Variants in ZIC4 observed in about 807,000 individuals in gnomAD.
ZIC4 encodes Zic family zinc finger 4, also known as zinc finger protein ZIC 4.
Under a neutral mutation model 28.8 loss-of-function variants are expected in ZIC4, and 15 were observed. The ratio of observed to expected loss-of-function variants is 0.52; its 90% CI spans 0.35 to 0.80. The LOEUF is 0.80. ZIC4 is among the 30% of genes least tolerant of loss of function. The probability of loss-of-function intolerance (pLI) is 0.01; values close to 1 mark genes in which losing one functional copy is unlikely to be tolerated. For missense variants in ZIC4, 512 were observed against 467.1 expected (o/e 1.10, Z -0.89); for synonymous variants, 220 against 198.1 (o/e 1.11, Z -0.93).
At chr3:147,392,406 C>A in intron 3 of ZIC4, 2 of 985,474 alleles carry the variant, frequency 2.0e-6, no homozygotes, top group African/African-American at 3.5e-5. Flanking sequence ...GGACCGAGCC[C>A]CAATCGGGGA....
chr3:147,394,356 C>G (rs894546240), intron 3 of ZIC4, among the ~76,000 whole-genome samples: 1 of 150,220 alleles, frequency 6.7e-6, no homozygotes, highest in Non-Finnish European at 1.5e-5. Context: ...CCAGCCGTGG[C>G]GCACTGAACT....
chr3:147,390,713 A>G (rs911677817), intron 4 of ZIC4, among the ~76,000 whole-genome samples: 2 of 152,172 alleles, frequency 1.3e-5, no homozygotes, highest in Non-Finnish European at 2.9e-5. Context: ...TCCAGCAACT[A>G]TTACAGGTGG....
chr3:147,387,340 G>A lies in ZIC4; in HGVS notation c.*1519C>T, dbSNP rs1411901172. 6.6e-6 allele frequency: 1 copy of A among 152,638 alleles called. No homozygotes were observed. Among genetic ancestry groups the A allele is most frequent in the African/African-American group, 2.4e-5 (1 of 41,448 alleles). The allele number at this position is 152,638 out of a possible 1,614,324, so 9.5% of individuals were successfully genotyped here. On this transcript the variant is annotated 3_prime_UTR_variant, in exon 5 of 5. Coordinates refer to ENST00000383075, the MANE Select transcript of ZIC4 (RefSeq NM_032153.6). ...TTAGAAACGGTTTGAAACTAACGGG[G>A]CAGAGGGAGTTTGACAGAGAGGAGA...
At chr3:147,389,061 G>T (rs1478188123) in intron 4 of ZIC4, 10 of 601,016 alleles carry the variant, frequency 1.7e-5, no homozygotes, top group Non-Finnish European at 2.4e-5. Flanking sequence ...GCACCTTAGT[G>T]GTGGGGTTGG....
Position 147,396,448 on chromosome 3 carries a change from C to T in ZIC4, c.92G>A (p.Gly31Asp), listed in dbSNP as rs1411380137. 1 of 1,518,776 alleles carries T rather than the reference C, an allele frequency of 6.6e-7. No individual in the cohort carries two copies. The allele number at this position is 1,518,776 out of a possible 1,614,324, so 94.1% of individuals were successfully genotyped here. A position where few individuals can be genotyped will look rare whatever the true frequency, so the allele number is the denominator to read the frequency against. Residue 31 changes from glycine (G) to aspartate (D), a missense_variant, in exon 3 of 5, where the codon GGC becomes GAC. Around this residue, in one of 3 missense-constraint regions of ZIC4, gnomAD observed 310 missense variants for 256.5 expected, o/e 1.21. Coordinates refer to ENST00000383075, the MANE Select transcript of ZIC4 (RefSeq NM_032153.6). The surrounding 1 kb of genome is among the most constrained non-coding windows in gnomAD (Gnocchi z 4.2). Reference sequence around the variant, plus strand: ...GCTGGAGGCGGCGGTGAGCTGGGGGCCATGGTGTCCAGAGCTGCTACCTGT... The same window carrying T: ...GCTGGAGGCGGCGGTGAGCTGGGGGTCATGGTGTCCAGAGCTGCTACCTGT... ...KESSSSSGHH[G>D]PQLTAASSPS...
Position 147,402,858 on chromosome 3 carries a change from C to T in ZIC4, c.-15-46G>A, listed in dbSNP as rs568626568. On this transcript the variant is annotated intron_variant, in intron 1 of 4. Transcript: ENST00000383075. The stretch of plus-strand genomic sequence containing the variant: ...GACAGTCACTAGTTAAACAATTTTA[C>T]ACGTCTGTGTGGCAACATCCTGTGG... 69 of 1,530,048 alleles carry T rather than the reference C, an allele frequency of 4.5e-5. No homozygotes were observed. The East Asian group carries it at 7.9e-4, about 17-fold the overall frequency. 94.8% of individuals were successfully genotyped at this position (1,530,048 alleles called of 1,614,324 possible).
In ZIC4 at chr3:147,396,082, T is replaced by C; in HGVS notation, c.458A>G (p.Glu153Gly). 6.2e-7 allele frequency: 1 copy of C among 1,614,222 alleles called. No individual in the cohort carries two copies. The highest frequency in any genetic ancestry group is 8.5e-7 in the Non-Finnish European group (1 of 1,180,054). The change falls in exon 3 of 5, where the codon GAG becomes GGG. Residue 153 changes from glutamate to glycine, a missense_variant. This residue lies in a region of ZIC4 where 310 missense variants were observed against 256.5 expected (regional missense o/e 1.21). Coordinates refer to ENST00000383075, the MANE Select transcript of ZIC4 (RefSeq NM_032153.6). This position sits in a 1 kb window ranked among gnomAD's most constrained non-coding sequence, Gnocchi z 4.2. Reference sequence around the variant, plus strand: ...CTCCACGGTGACGTGCGTGACCAGCTCGTGCATGGTGCTGAAAGTTTTGGA... The same window carrying C: ...CTCCACGGTGACGTGCGTGACCAGCCCGTGCATGGTGCTGAAAGTTTTGGA... Reference protein sequence around the residue: ...LCSKTFSTMHELVTHVTVEHV... With the variant: ...LCSKTFSTMHGLVTHVTVEHV...
In ZIC4 at chr3:147,396,281, C is replaced by T; in HGVS notation, c.259G>A (p.Asp87Asn). The stretch of plus-strand genomic sequence containing the variant: ...AGGGCTGCGGCAGCTGCCAGGGCGT[C>T]GCTGCGGGCCGCAGGCCCTGGCGGG... The part of the protein sequence containing the change: ...PFPPGPAARS[D>N]ALAAAAALHG... The change falls in exon 3 of 5, where the codon GAC becomes AAC. Residue 87 changes from aspartate to asparagine, a missense_variant. Asp to Asn is a conservative substitution (Grantham distance 23). Transcript: ENST00000383075. This position sits in a 1 kb window ranked among gnomAD's most constrained non-coding sequence, Gnocchi z 4.2. 6.2e-7 allele frequency: 1 copy of T among 1,608,994 alleles called. No individual in the cohort carries two copies. Among genetic ancestry groups the T allele is most frequent in the Middle Eastern group, 1.7e-4 (1 of 6,040 alleles).
At chr3:147,403,370 T>C (rs572591807) in intron 1 of ZIC4, among the ~76,000 whole-genome samples, 1 of 152,292 alleles carries the variant, frequency 6.6e-6, no homozygotes, top group African/African-American at 2.4e-5. Flanking sequence ...CCAGACCCAT[T>C]TGGGATTCAT....
chr3:147,393,175 C>T (rs1285575357), intron 3 of ZIC4, among the ~76,000 whole-genome samples: 2 of 150,552 alleles, frequency 1.3e-5, no homozygotes, highest in East Asian at 4.0e-4. Context: ...CTTATCCGAT[C>T]TCGTGAGCGC....
chr3:147,402,694 G>A (rs1216393736), intron 2 of ZIC4, 34 bp downstream of exon 2: 10 of 1,528,240 alleles, frequency 6.5e-6, no homozygotes, highest in South Asian at 2.6e-5. Flanking sequence ...AAAGAAACCA[G>A]CAAACCAATA....
At chr3:147,404,483 C>T (rs779579338) in intron 1 of ZIC4, among the ~76,000 whole-genome samples, 2 of 152,206 alleles carry the variant, frequency 1.3e-5, no homozygotes, top group Non-Finnish European at 2.9e-5. Context: ...AGCCAGTCAT[C>T]TTGCTGAAAG....
At chr3:147,402,013 G>C (rs750587728) in intron 2 of ZIC4, among the ~76,000 whole-genome samples, 1 of 152,170 alleles carries the variant, frequency 6.6e-6, no homozygotes, top group Non-Finnish European at 1.5e-5. Flanking sequence ...TTTGACTTTG[G>C]TTAGGAAGGT....
chr3:147,389,000 G>A lies in ZIC4; in HGVS notation c.*-141C>T, dbSNP rs1004147791. 1.5e-5 allele frequency: 10 copies of A among 648,694 alleles called. No individual in the cohort carries two copies. In the African/African-American group the frequency reaches 1.8e-4, roughly 12 times the overall value. 40.2% of individuals were successfully genotyped at this position (648,694 alleles called of 1,614,324 possible). A position where few individuals can be genotyped will look rare whatever the true frequency, so the allele number is the denominator to read the frequency against. On this transcript the variant is annotated intron_variant, in intron 4 of 4. Transcript: ENST00000383075. ...AAAGAAAAAAGTCCTACTTCAGGAA[G>A]GGGGACTTTTTAAACATTGGCAGAA...
Position 147,396,587 on chromosome 3 carries a change from A to G in ZIC4, c.71-118T>C. 7.6e-7 allele frequency: 1 copy of G among 1,309,248 alleles called. No individual in the cohort carries two copies. Among genetic ancestry groups the G allele is most frequent in the South Asian group, 1.8e-5 (1 of 56,138 alleles). 81.1% of individuals were successfully genotyped at this position (1,309,248 alleles called of 1,614,324 possible). ...CTACGGCCTCTGCAGTCAGCCGTGG[A>G]ACTCAGAGCCAGACAGCGCCAGCAG... On this transcript the variant is annotated intron_variant, in intron 2 of 4. Transcript: ENST00000383075. This position sits in a 1 kb window ranked among gnomAD's most constrained non-coding sequence, Gnocchi z 4.2.
At chr3:147,400,072 C>A (rs2087134664) in intron 2 of ZIC4, among the ~76,000 whole-genome samples, 1 of 152,132 alleles carries the variant, frequency 6.6e-6, no homozygotes, top group South Asian at 2.1e-4. Flanking sequence ...GCTGTGGAAC[C>A]CTTAGGAAGC....
chr3:147,396,418 G>C lies in ZIC4; in HGVS notation c.122C>G (p.Ser41Trp), dbSNP rs1165847431. The C allele has an allele frequency of 1.3e-6, 2 of 1,522,350 alleles. No individual in the cohort carries two copies. The highest frequency in any genetic ancestry group is 1.4e-5 in the African/African-American group (1 of 71,692). The allele number at this position is 1,522,350 out of a possible 1,614,324, so 94.3% of individuals were successfully genotyped here. The change falls in exon 3 of 5, where the codon TCG becomes TGG. Residue 41 changes from serine to tryptophan, a missense_variant. Physicochemically the swap from Ser to Trp is radical, Grantham distance 177. This residue lies in a region of ZIC4 where 310 missense variants were observed against 256.5 expected (regional missense o/e 1.21). Coordinates refer to ENST00000383075, the MANE Select transcript of ZIC4 (RefSeq NM_032153.6). The surrounding 1 kb of genome is among the most constrained non-coding windows in gnomAD (Gnocchi z 4.2). ...CTCCTCGTGGAGGCCCGGGAACACC[G>C]AGGGGCTGGAGGCGGCGGTGAGCTG... Reference protein sequence around the residue: ...GPQLTAASSPSVFPGLHEEPP... With the variant: ...GPQLTAASSPWVFPGLHEEPP...
rs1240551301 is a variant in ZIC4, at chr3:147,388,810, G to A, written c.*49C>T. On this transcript the variant is annotated 3_prime_UTR_variant, in exon 5 of 5. Coordinates refer to ENST00000383075, the MANE Select transcript of ZIC4 (RefSeq NM_032153.6). ...TGATGTAGCAGGCGCGAGATGCGGG[G>A]CGCTCAGCTGCGCGGAGCGAGATTA... 1 of 772,394 alleles carries A rather than the reference G, an allele frequency of 1.3e-6. No individual in the cohort carries two copies. Among genetic ancestry groups the A allele is most frequent in the Non-Finnish European group, 2.4e-6 (1 of 415,708 alleles). The allele number at this position is 772,394 out of a possible 1,614,324, so 47.8% of individuals were successfully genotyped here.
chr3:147,387,082 C>T lies in ZIC4; in HGVS notation c.*1777G>A, dbSNP rs2086809383. On this transcript the variant is annotated 3_prime_UTR_variant, in exon 5 of 5. Coordinates refer to ENST00000383075, the MANE Select transcript of ZIC4 (RefSeq NM_032153.6). ...AAACCAGAGCAGAAAGAAGCAGAAA[C>T]ACAATTATGGACTTAGGGTATGTAT... The T allele has an allele frequency of 6.6e-6, 1 of 152,160 alleles. No individual in the cohort carries two copies. The highest frequency in any genetic ancestry group is 1.5e-5 in the Non-Finnish European group (1 of 68,030). 9.4% of individuals were successfully genotyped at this position (152,160 alleles called of 1,614,324 possible).
Sources: allele counts gnomAD v4.1 joint callset (sites outside exome capture counted in the v4.1 genomes callset), GRCh38; gene constraint gnomAD v4.1.1; regional missense constraint gnomAD v4.1.1; non-coding constraint Gnocchi (gnomAD v3.1); transcripts MANE v1.5; gene names NCBI Gene and HGNC (gene_info 2026-07-23, HGNC 2026-07-21).